MYCBPAP: variants seen among roughly 807,000 people sequenced by gnomAD.
The protein encoded by MYCBPAP is MYCBP associated protein.
A neutral mutation model predicts 106.1 loss-of-function variants in MYCBPAP; 60 were observed. That is an observed-to-expected ratio of 0.57 (90% CI 0.46 to 0.70). The LOEUF is 0.70. Among genes scored for constraint, MYCBPAP ranks in the 30% least tolerant of loss-of-function variants. The pLI is 0.00. For synonymous variants in MYCBPAP, 407 were observed against 440.6 expected (o/e 0.92, Z 0.95); for missense variants, 1,064 against 1,169.3 (o/e 0.91, Z 1.31).
upstream of MYCBPAP, among the ~76,000 whole-genome samples, chr17:50,507,797 G>T (rs924171999): frequency 6.6e-6 from 1 of 152,184 alleles, no homozygotes; most frequent in Admixed American, 6.5e-5. Context: ...GCCTGAGGCA[G>T]CTCCTGCTCT....
Position 50,526,150 on chromosome 17 carries a change from C to T in MYCBPAP, c.2052C>T (p.Ser684=), listed in dbSNP as rs747738098. The change falls in exon 14 of 19, where the codon AGC becomes AGT. Residue 684 remains serine, a synonymous_variant. Coordinates refer to ENST00000323776, the MANE Select transcript of MYCBPAP (RefSeq NM_032133.6). ...RVGTKSPQRK[S]IMEEILVEES... ...GGACCAAGAGTCCTCAGCGGAAGAG[C>T]ATCATGGAGGAGATCCTGGTGGAGG... 5 of 1,613,596 alleles carry T rather than the reference C, an allele frequency of 3.1e-6. No individual in the cohort carries two copies. Among genetic ancestry groups the T allele is most frequent in the East Asian group, 4.5e-5 (2 of 44,876 alleles).
chr17:50,510,793 T>G (rs2033819393), intron 1 of MYCBPAP, among the ~76,000 whole-genome samples: 1 of 149,484 alleles, frequency 6.7e-6, no homozygotes, highest in Non-Finnish European at 1.5e-5. Flanking sequence ...AGTGCTGGGA[T>G]TACAGGCATG....
rs748880613 is a variant in MYCBPAP at position 50,527,349 on chromosome 17, A to T, written c.2232A>T (p.Ala744=). Residue 744 remains alanine (A), a synonymous_variant, in exon 15 of 19, where the codon GCA becomes GCT. Coordinates refer to ENST00000323776, the MANE Select transcript of MYCBPAP (RefSeq NM_032133.6). Reference sequence around the variant, plus strand: ...ATGCGTTGATGAGGCTCAACAAAGCAGCCCTGGAGCTGTGCCAGAAGCCAA... The same window carrying T: ...ATGCGTTGATGAGGCTCAACAAAGCTGCCCTGGAGCTGTGCCAGAAGCCAA... ...REDALMRLNK[A]ALELCQKPRP... The T allele has an allele frequency of 1.2e-6, 2 of 1,614,132 alleles. No homozygotes were observed. Among genetic ancestry groups the T allele is most frequent in the Non-Finnish European group, 8.5e-7 (1 of 1,180,002 alleles).
In MYCBPAP at chr17:50,524,741, A is replaced by T. The variant is rs868780161; in HGVS notation, c.1636-136A>T. ...GTGTGTGTGTGTGTGTGTGTGTGAG[A>T]GAGAGAGAGAGAGAGAGACAATGGC... On this transcript the variant is annotated intron_variant, in intron 12 of 18. Coordinates refer to ENST00000323776, the MANE Select transcript of MYCBPAP (RefSeq NM_032133.6). The T allele has an allele frequency of 2.5e-3, 1,455 of 580,436 alleles. 2 individuals are homozygous for T. The highest frequency in any genetic ancestry group is 0.016 in the African/African-American group (476 of 29,556). The allele number at this position is 580,436 out of a possible 1,614,324, so 36.0% of individuals were successfully genotyped here. A position where few individuals can be genotyped will look rare whatever the true frequency, so the allele number is the denominator to read the frequency against.
chr17:50,514,555 G>A (rs1467154087), intron 1 of MYCBPAP, among the ~76,000 whole-genome samples: 1 of 152,212 alleles, frequency 6.6e-6, no homozygotes, highest in Middle Eastern at 3.2e-3. Flanking sequence ...GTCCTCGTTG[G>A]AGAGTGACCT....
rs1342845052 is a variant in MYCBPAP, at chr17:50,518,972, A to G, written c.653-2A>G. The stretch of plus-strand genomic sequence containing the variant: ...TGGCGGCAATCTTGCCTCTCTCTCT[A>G]GAACACCTAAAGAAGCCAGTGAGTG... On this transcript the variant is annotated splice_acceptor_variant, in intron 5 of 18. Transcript: ENST00000323776. LOFTEE classifies it high-confidence loss of function. 7.4e-6 allele frequency: 12 copies of G among 1,613,396 alleles called. No homozygotes were observed. The highest frequency in any genetic ancestry group is 1.0e-5 in the Non-Finnish European group (12 of 1,179,600).
intron 18 of MYCBPAP, chr17:50,529,902 T>C: frequency 2.2e-6 from 1 of 446,504 alleles, no homozygotes; most frequent in Non-Finnish European, 4.6e-6. Flanking sequence ...CACCCAGGTT[T>C]TCCGTTTTGT....
Position 50,528,252 on chromosome 17 carries a change from A to C in MYCBPAP, c.2389A>C (p.Asn797His), listed in dbSNP as rs1304397392. ...GCCTGAGAAGGAGACCATCTATTTGAATGTGCCTGAAGAGCAAGGTCAGAT... is the reference window on the plus strand; with the variant it reads ...GCCTGAGAAGGAGACCATCTATTTGCATGTGCCTGAAGAGCAAGGTCAGAT... ...GLPEKETIYLNVPEEQDQKSP... is the reference protein window; with the variant it reads ...GLPEKETIYLHVPEEQDQKSP... The change falls in exon 16 of 19, where the codon AAT becomes CAT. Residue 797 changes from asparagine to histidine, a missense_variant. Coordinates refer to ENST00000323776, the MANE Select transcript of MYCBPAP (RefSeq NM_032133.6). 6.2e-7 allele frequency: 1 copy of C among 1,613,562 alleles called. No individual in the cohort carries two copies. Among genetic ancestry groups the C allele is most frequent in the African/African-American group, 1.3e-5 (1 of 74,866 alleles).
At chr17:50,521,555 C>G in intron 9 of MYCBPAP, 124 bp downstream of exon 9, 2 of 718,342 alleles carry the variant, frequency 2.8e-6, no homozygotes, top group Non-Finnish European at 4.8e-6. Flanking sequence ...CCAGTGGTTG[C>G]CACCCACTCC....
intron 1 of MYCBPAP, among the ~76,000 whole-genome samples, chr17:50,514,344 G>A (rs986103831): frequency 1.1e-4 from 17 of 152,206 alleles, no homozygotes; most frequent in African/African-American, 3.9e-4. Flanking sequence ...TTACGGTGCT[G>A]TAAGAAGCAG....
intron 7 of MYCBPAP, chr17:50,520,853 A>G (rs575216993): frequency 4.6e-6 from 2 of 439,088 alleles, no homozygotes; most frequent in African/African-American, 2.0e-5. Flanking sequence ...AGCACTCAAT[A>G]AAAGGTAGCT....
At chr17:50,509,204 G>A in intron 1 of MYCBPAP, 1 of 700,200 alleles carries the variant, frequency 1.4e-6, no homozygotes, top group Non-Finnish European at 2.6e-6. Context: ...GGAGGGTCGG[G>A]GAGCGGGGCA....
chr17:50,526,494 G>A (rs1477881890), intron 14 of MYCBPAP, among the ~76,000 whole-genome samples: 2 of 151,924 alleles, frequency 1.3e-5, no homozygotes, highest in Non-Finnish European at 2.9e-5. Flanking sequence ...GCACAATCTC[G>A]GCTCACTGCA....
chr17:50,521,084 C>CTG (rs1269768346), intron 7 of MYCBPAP, 26 bp from the exon 8 acceptor site: 1 of 1,585,262 alleles, frequency 6.3e-7, no homozygotes, highest in South Asian at 1.1e-5. Context: ...GCAGCCTGTG[C>CTG]TGAGGGTCCT....
rs532588398 is a variant in MYCBPAP at position 50,519,668 on chromosome 17, G to T, written c.797G>T (p.Arg266Leu). ...KSWENSGFWS[R>L]LEYLGDEMTG... The stretch of plus-strand genomic sequence containing the variant: ...TGGGAGAACAGTGGGTTCTGGAGTC[G>T]ACTGGAATACTTGGGAGATGAGATG... Residue 266 changes from arginine to leucine, a missense_variant, in exon 7 of 19, where the codon CGA (arginine) becomes CTA (leucine). Coordinates refer to ENST00000323776, the MANE Select transcript of MYCBPAP (RefSeq NM_032133.6). 3 of 1,613,954 alleles carry T rather than the reference G, an allele frequency of 1.9e-6. No individual in the cohort carries two copies. Among genetic ancestry groups the T allele is most frequent in the Admixed American group, 3.3e-5 (2 of 60,008 alleles).
At chr17:50,528,050 A>G (rs867434721) in intron 15 of MYCBPAP, 105 bp from the exon 16 acceptor site, 1 of 888,292 alleles carries the variant, frequency 1.1e-6, no homozygotes, top group Non-Finnish European at 1.8e-6. Context: ...GCATTTCCAC[A>G]GCAGCTCGTG....
At chr17:50,518,112 C>T (rs1224661192) in intron 4 of MYCBPAP, among the ~76,000 whole-genome samples, 2 of 152,228 alleles carry the variant, frequency 1.3e-5, no homozygotes, top group East Asian at 1.9e-4. Flanking sequence ...TCCTGGGCCA[C>T]GGGAAGATTC....
At chr17:50,520,970 T>G (rs2034235974) in intron 7 of MYCBPAP, 140 bp from the exon 8 acceptor site, 1 of 664,570 alleles carries the variant, frequency 1.5e-6, no homozygotes, top group Non-Finnish European at 2.6e-6. Context: ...AGAACGGGAG[T>G]CTAGCTGCCA....
At chr17:50,514,168 C>G (rs568457378) in intron 1 of MYCBPAP, among the ~76,000 whole-genome samples, 1 of 152,182 alleles carries the variant, frequency 6.6e-6, no homozygotes, top group African/African-American at 2.4e-5. Context: ...GGATTACAAG[C>G]GTAAGCCACT....
Sources: gnomAD v4.1 joint callset for allele counts (sites outside exome capture counted in the v4.1 genomes callset) on GRCh38, gnomAD v4.1.1 for gene constraint, MANE v1.5 for transcripts, NCBI Gene and HGNC (gene_info 2026-07-23, HGNC 2026-07-21) for gene names.